Variants in DCC observed in about 807,000 individuals in gnomAD.
DCC encodes the protein DCC netrin 1 receptor.
DCC carries 58 observed loss-of-function variants against 172.5 expected under a neutral mutation model. The observed-to-expected ratio is 0.34, with a 90% confidence interval of 0.27 to 0.42. The LOEUF (loss-of-function observed/expected upper bound fraction) is 0.42, where lower values mean the gene tolerates loss of function less well. Ranked by LOEUF, DCC falls within the 10% of genes least tolerant of loss-of-function variation. The pLI is 1.00. For missense variants in DCC, 1,740 were observed against 1,791.0 expected (o/e 0.97, Z 0.51); for synonymous variants, 709 against 644.5 (o/e 1.10, Z -1.52).
chr18:52,928,399 A>G (rs1226929254), intron 5 of DCC, among the ~76,000 whole-genome samples: 1 of 152,142 alleles, frequency 6.6e-6, no homozygotes, highest in Non-Finnish European at 1.5e-5. Flanking sequence ...CAACTTATCT[A>G]TATAACAAAC....
chr18:52,677,094 C>A (rs1393961027), intron 1 of DCC, among the ~76,000 whole-genome samples: 3 of 152,150 alleles, frequency 2.0e-5, no homozygotes, highest in Non-Finnish European at 2.9e-5. Flanking sequence ...ATTCAGCCAA[C>A]ATTTTGTAAT....
At chr18:53,007,450 T>C (rs976742835) in intron 5 of DCC, among the ~76,000 whole-genome samples, 44 of 152,242 alleles carry the variant, frequency 2.9e-4, no homozygotes, top group African/African-American at 1.0e-3. Flanking sequence ...ATATATTGTC[T>C]GGAACTAAAT....
chr18:53,446,109 A>AC lies in DCC; in HGVS notation c.3230-4391_3230-4390insC, dbSNP rs1305032147. Among the ~76,000 whole-genome samples the AC allele has an allele frequency of 4.8e-4, 68 of 142,668 alleles. 2 individuals are homozygous for AC. The highest frequency in any genetic ancestry group is 1.8e-3 in the African/African-American group (67 of 37,280). The allele number at this position is 142,668 out of a possible 152,430, so 93.6% of individuals were successfully genotyped here. On this transcript the variant is annotated intron_variant, in intron 22 of 28. Coordinates refer to ENST00000442544, the MANE Select transcript of DCC (RefSeq NM_005215.4). ...AGACCCTGTCTCTACAAAAAAAAAA[A>AC]AAAAACAAAAAAAAACACTTAAAAA...
chr18:52,556,228 G>T (rs2144731560), intron 1 of DCC, among the ~76,000 whole-genome samples: 1 of 152,174 alleles, frequency 6.6e-6, no homozygotes, highest in Middle Eastern at 3.4e-3. Flanking sequence ...GAGGAGACTT[G>T]TTCGTAACTT....
intron 1 of DCC, among the ~76,000 whole-genome samples, chr18:52,580,994 T>C (rs2033532109): frequency 6.6e-6 from 1 of 152,208 alleles, no homozygotes; most frequent in East Asian, 1.9e-4. Flanking sequence ...GAAGCTGTTA[T>C]CAATTCAACC....
At chr18:52,802,371 T>C (rs2038005934) in intron 2 of DCC, among the ~76,000 whole-genome samples, 1 of 152,104 alleles carries the variant, frequency 6.6e-6, no homozygotes, top group South Asian at 2.1e-4. Flanking sequence ...TATATATACA[T>C]ATACATGTAT....
intron 7 of DCC, among the ~76,000 whole-genome samples, chr18:53,100,020 C>T (rs1271603588): frequency 7.0e-6 from 1 of 143,426 alleles, no homozygotes; most frequent in Non-Finnish European, 1.5e-5. Context: ...AATCTTAGCT[C>T]ACTGCAACCT....
At position 52,625,775 on chromosome 18, in the gene DCC, C is replaced by CGT. The variant is rs2034561275; in HGVS notation, c.92-126279_92-126278insGT. On this transcript the variant is annotated intron_variant, in intron 1 of 28. Coordinates refer to ENST00000442544, the MANE Select transcript of DCC (RefSeq NM_005215.4). ...GCCCCTCTGATCAGATTTTCACCTC[C>CGT]ATCACTTCATCGCCAATGACTTCTG... Among the ~76,000 whole-genome samples, 8 of 152,286 alleles carry CGT rather than the reference C, an allele frequency of 5.3e-5. No individual in the cohort carries two copies. In the East Asian group the frequency reaches 1.5e-3, roughly 29 times the overall value.
chr18:52,946,102 C>A (rs2040540445), intron 5 of DCC, among the ~76,000 whole-genome samples: 1 of 151,820 alleles, frequency 6.6e-6, no homozygotes, highest in East Asian at 1.9e-4. Flanking sequence ...TAGTCATCAC[C>A]TCTTCCATTT....
chr18:52,882,148 G>A (rs943856205), intron 2 of DCC, among the ~76,000 whole-genome samples: 1 of 152,004 alleles, frequency 6.6e-6, no homozygotes, highest in Non-Finnish European at 1.5e-5. Context: ...TTTATATCCT[G>A]CAACTTTACT....
chr18:52,801,639 T>G (rs976390185), intron 2 of DCC, among the ~76,000 whole-genome samples: 1 of 152,210 alleles, frequency 6.6e-6, no homozygotes, highest in African/African-American at 2.4e-5. Flanking sequence ...GTAAAGTATA[T>G]TTTGAATCTT....
At chr18:52,720,714 A>T (rs2036459819) in intron 1 of DCC, among the ~76,000 whole-genome samples, 1 of 152,218 alleles carries the variant, frequency 6.6e-6, no homozygotes, top group Admixed American at 6.5e-5. Flanking sequence ...TCTAATTATG[A>T]AAATAATTTG....
intron 1 of DCC, among the ~76,000 whole-genome samples, chr18:52,437,362 C>T (rs913987505): frequency 6.6e-6 from 1 of 152,030 alleles, no homozygotes; most frequent in Non-Finnish European, 1.5e-5. Flanking sequence ...GCAGTCTTGG[C>T]AATCCAAAGA....
intron 5 of DCC, among the ~76,000 whole-genome samples, chr18:53,035,160 C>CTGTGTG (rs56806063): frequency 0.016 from 2,375 of 148,992 alleles, 44 homozygotes; most frequent in African/African-American, 0.052. Context: ...AAACATTTAT[C>CTGTGTG]TGTGTGTGTG....
intron 2 of DCC, among the ~76,000 whole-genome samples, chr18:52,883,155 A>G (rs2039511980): frequency 6.6e-6 from 1 of 151,382 alleles, no homozygotes; most frequent in Non-Finnish European, 1.5e-5. Context: ...TACAGGTGAG[A>G]TGTGGTTCTT....
intron 1 of DCC, among the ~76,000 whole-genome samples, chr18:52,660,699 A>T (rs2035342633): frequency 6.6e-6 from 1 of 152,182 alleles, no homozygotes; most frequent in Non-Finnish European, 1.5e-5. Flanking sequence ...CTTAAGTTGA[A>T]GGGTAAAAGT....
Position 53,060,691 on chromosome 18 carries a change from G to A in DCC, c.986-2614G>A, listed in dbSNP as rs554396482. 3.4e-4 allele frequency among the ~76,000 whole-genome samples: 52 copies of A among 152,208 alleles called. 1 individual carries two copies. The highest frequency in any genetic ancestry group is 4.6e-4 in the Admixed American group (7 of 15,274). ...CTCTATTTTATTAATCAATGTAAGA[G>A]AAGGTTTTAGGGATTCACTACGTGA... On this transcript the variant is annotated intron_variant, in intron 5 of 28. Coordinates refer to ENST00000442544, the MANE Select transcript of DCC (RefSeq NM_005215.4).
intron 7 of DCC, among the ~76,000 whole-genome samples, chr18:53,079,475 A>C (rs1019491553): frequency 3.3e-5 from 5 of 152,122 alleles, no homozygotes; most frequent in Non-Finnish European, 5.9e-5. Flanking sequence ...ACAACACTAA[A>C]ACCTCATACT....
chr18:52,842,486 G>A lies in DCC; in HGVS notation c.413-63558G>A, dbSNP rs192951875. On this transcript the variant is annotated intron_variant, in intron 2 of 28. Coordinates refer to ENST00000442544, the MANE Select transcript of DCC (RefSeq NM_005215.4). ...TTTTTGTTCTATTAAGGCCCTTAAT[G>A]GATTAGATGATGCTAGCCCAATTGG... Among the ~76,000 whole-genome samples, 15 of 152,238 alleles carry A rather than the reference G, an allele frequency of 9.9e-5. No individual in the cohort carries two copies. In the East Asian group the frequency reaches 1.7e-3, roughly 18 times the overall value.
Sources: allele counts gnomAD v4.1 joint callset (sites outside exome capture counted in the v4.1 genomes callset), GRCh38; gene constraint gnomAD v4.1.1; transcripts MANE v1.5; gene names NCBI Gene and HGNC (gene_info 2026-07-23, HGNC 2026-07-21).